Variants in EHD4 observed in about 807,000 individuals in gnomAD.
EHD4 encodes the protein EH domain containing 4.
Under a neutral mutation model 51.0 loss-of-function variants are expected in EHD4, and 37 were observed. The ratio of observed to expected loss-of-function variants is 0.73; its 90% confidence interval spans 0.56 to 0.95. The LOEUF (loss-of-function observed/expected upper bound fraction) is 0.95. Ranked by LOEUF, EHD4 falls within the 40% of genes least tolerant of loss-of-function variation. The probability of loss-of-function intolerance (pLI) is 0.00; values close to 1 mark genes in which losing one functional copy is unlikely to be tolerated. For missense variants in EHD4, 632 were observed against 733.1 expected, an observed-to-expected ratio of 0.86 and a Z score of 1.59; for synonymous variants, 297 against 317.3, an observed-to-expected ratio of 0.94 and a Z score of 0.68.
chr15:41,945,022 C>G (rs1395147075), intron 2 of EHD4, among the ~76,000 whole-genome samples: 2 of 152,142 alleles, frequency 1.3e-5, no homozygotes, highest in Admixed American at 6.5e-5. Context: ...TGCCATTATT[C>G]AATTCTCTAG....
rs560033039 is a variant in EHD4, at chr15:41,926,603, C to T, written c.512-6981G>A. Among the ~76,000 whole-genome samples, 13 of 152,350 alleles carry T rather than the reference C, an allele frequency of 8.5e-5. 1 individual carries two copies. The highest frequency in any genetic ancestry group is 6.2e-4 in the South Asian group (3 of 4,830). On this transcript the variant is annotated intron_variant, in intron 3 of 5. Coordinates refer to ENST00000220325, the MANE Select transcript of EHD4 (RefSeq NM_139265.4). ...CAACCTCACTAATCTAGCCCTCAGA[C>T]GATCCCCATCCCTTCTTAGAACTCA...
intron 3 of EHD4, among the ~76,000 whole-genome samples, chr15:41,930,146 G>T (rs180861472): frequency 3.0e-4 from 46 of 152,310 alleles, no homozygotes; most frequent in African/African-American, 1.1e-3. Context: ...ATCTGAGGAA[G>T]GGTTGTGGAA....
intron 3 of EHD4, among the ~76,000 whole-genome samples, chr15:41,922,042 A>G (rs2067629134): frequency 6.6e-6 from 1 of 152,036 alleles, no homozygotes; most frequent in Non-Finnish European, 1.5e-5. Flanking sequence ...TCTCCAAAAC[A>G]TTTTCTTTTC....
intron 2 of EHD4, among the ~76,000 whole-genome samples, chr15:41,953,249 G>C (rs541803384): frequency 1.3e-5 from 2 of 152,320 alleles, no homozygotes; most frequent in South Asian, 4.1e-4. Context: ...CCATGCCTGA[G>C]AGGTGTCTGT....
At chr15:41,944,057 C>G (rs1183843651) in intron 2 of EHD4, among the ~76,000 whole-genome samples, 2 of 152,210 alleles carry the variant, frequency 1.3e-5, no homozygotes, top group Non-Finnish European at 2.9e-5. Flanking sequence ...ATCCACTCCA[C>G]GGAAGCAGAG....
intron 3 of EHD4, among the ~76,000 whole-genome samples, chr15:41,928,139 C>T (rs530836621): frequency 1.3e-5 from 2 of 152,254 alleles, no homozygotes; most frequent in South Asian, 2.1e-4. Context: ...GAGTTTACTT[C>T]GCAACTAGAA....
chr15:41,964,772 A>T (rs74909248), intron 1 of EHD4, among the ~76,000 whole-genome samples: 115,375 of 143,448 alleles, frequency 0.8, 46,608 homozygotes, highest in Non-Finnish European at 0.88. Context: ...AAAAAAAAAA[A>T]ATATATATAT....
At chr15:41,948,178 G>C (rs1267152244) in intron 2 of EHD4, among the ~76,000 whole-genome samples, 1 of 151,984 alleles carries the variant, frequency 6.6e-6, no homozygotes, top group Admixed American at 6.6e-5. Context: ...GCTTGAACCC[G>C]GGAGGCAGAG....
chr15:41,919,164 C>A, intron 4 of EHD4, 46 bp downstream of exon 4: 1 of 1,609,604 alleles, frequency 6.2e-7, no homozygotes, highest in Non-Finnish European at 8.5e-7. Flanking sequence ...GAGGAGACAG[C>A]AGAGTCCCAG....
intron 1 of EHD4, among the ~76,000 whole-genome samples, chr15:41,969,262 T>C (rs993087185): frequency 7.2e-5 from 11 of 152,156 alleles, no homozygotes; most frequent in Non-Finnish European, 1.5e-4. Flanking sequence ...ATGTGTAGTT[T>C]GGGATGGGGC....
At chr15:41,950,121 G>C (rs1048584125) in intron 2 of EHD4, among the ~76,000 whole-genome samples, 7 of 152,228 alleles carry the variant, frequency 4.6e-5, no homozygotes, top group African/African-American at 1.4e-4. Context: ...TATTGTTCAA[G>C]TATGGAATTT....
In EHD4 at chr15:41,900,921, G is replaced by A. The variant is rs1204169079; in HGVS notation, c.1350C>T (p.Val450=). The change falls in exon 6 of 6, where the codon GTC becomes GTT. Residue 450 remains valine, a synonymous_variant. Coordinates refer to ENST00000220325, the MANE Select transcript of EHD4 (RefSeq NM_139265.4). This position sits in a 1 kb window ranked among gnomAD's most constrained non-coding sequence, Gnocchi z 4.8. ...EEWVVAKDKP[V]YDELFYTLSP... ...ACAGAGTGTAGAAGAGCTCGTCGTA[G>A]ACGGGCTTGTCTTTGGCCACGACCC... 3.1e-6 allele frequency: 5 copies of A among 1,614,038 alleles called. No individual in the cohort carries two copies. Among genetic ancestry groups the A allele is most frequent in the Non-Finnish European group, 2.5e-6 (3 of 1,180,016 alleles).
intron 1 of EHD4, among the ~76,000 whole-genome samples, 184 bp downstream of exon 1, chr15:41,972,075 G>A (rs1033563600): frequency 1.3e-5 from 2 of 151,910 alleles, no homozygotes; most frequent in Non-Finnish European, 2.9e-5. Context: ...GCGGGTTCGC[G>A]GGACCCTCCA....
At chr15:41,966,648 C>T (rs1268061688) in intron 1 of EHD4, among the ~76,000 whole-genome samples, 1 of 152,218 alleles carries the variant, frequency 6.6e-6, no homozygotes, top group African/African-American at 2.4e-5. Context: ...AGAAGGAACA[C>T]AACATGAGGA....
intron 2 of EHD4, among the ~76,000 whole-genome samples, chr15:41,945,293 C>CA (rs2067804188): frequency 6.6e-6 from 1 of 152,204 alleles, no homozygotes; most frequent in Admixed American, 6.5e-5. Flanking sequence ...GTGAGGCTAA[C>CA]AGAGGGATTC....
Position 41,900,531 on chromosome 15 carries a change from G to A in EHD4, c.*114C>T. 2 of 1,137,108 alleles carry A rather than the reference G, an allele frequency of 1.8e-6. No individual in the cohort carries two copies. The highest frequency in any genetic ancestry group is 2.4e-6 in the Non-Finnish European group (2 of 825,774). The allele number at this position is 1,137,108 out of a possible 1,614,324, so 70.4% of individuals were successfully genotyped here. On this transcript the variant is annotated 3_prime_UTR_variant, in exon 6 of 6. Coordinates refer to ENST00000220325, the MANE Select transcript of EHD4 (RefSeq NM_139265.4). The surrounding 1 kb of genome is among the most constrained non-coding windows in gnomAD (Gnocchi z 4.8). The stretch of plus-strand genomic sequence containing the variant: ...CCACCCTCCCCATTCTACAGATGGG[G>A]AAACCAAGGCACAGAGAGGGCAGTG...
chr15:41,918,234 ACACACACACG>A (rs1487738298), intron 4 of EHD4, among the ~76,000 whole-genome samples: 7 of 150,366 alleles, frequency 4.7e-5, no homozygotes, highest in African/African-American at 7.3e-5. Context: ...ACACACACAC[ACACACACACG>A]CGCATGTTTA....
At chr15:41,910,082 G>C (rs945870784) in intron 4 of EHD4, among the ~76,000 whole-genome samples, 2 of 152,140 alleles carry the variant, frequency 1.3e-5, no homozygotes, top group Non-Finnish European at 2.9e-5. Flanking sequence ...CTGTTCTGTT[G>C]TGCCTCTGAG....
At chr15:41,902,822 T>C (rs1368172333) in intron 5 of EHD4, among the ~76,000 whole-genome samples, 4 of 123,238 alleles carry the variant, frequency 3.2e-5, no homozygotes, top group Non-Finnish European at 6.9e-5. Context: ...TATATATGTA[T>C]GTATATATAT....
Sources: gnomAD v4.1 joint callset for allele counts (sites outside exome capture counted in the v4.1 genomes callset) on GRCh38, gnomAD v4.1.1 for gene constraint, Gnocchi (gnomAD v3.1) non-coding constraint, MANE v1.5 for transcripts, NCBI Gene and HGNC (gene_info 2026-07-23, HGNC 2026-07-21) for gene names.